The following SRCIN1 variants were observed in gnomAD, a reference collection of about 807,000 sequenced individuals.
SRCIN1 encodes the protein SRC kinase signaling inhibitor 1, also known as P130Cas-associated protein.
In SRCIN1, 50 loss-of-function variants were observed where a neutral mutation model predicts 116.2. The observed-to-expected ratio is 0.43, with a 90% confidence interval of 0.34 to 0.54. SRCIN1 has a LOEUF of 0.54. Among genes scored for constraint, SRCIN1 ranks in the 20% least tolerant of loss-of-function variants. The probability of loss-of-function intolerance (pLI) is 0.02; values close to 1 mark genes in which losing one functional copy is unlikely to be tolerated. For missense variants in SRCIN1, 1,446 were observed against 1,672.0 expected (o/e 0.86, Z 2.36); for synonymous variants, 736 against 750.0 (o/e 0.98, Z 0.30).
Position 38,563,587 on chromosome 17 carries a change from G to C in SRCIN1, c.542-66C>G. Reference sequence around the variant, plus strand: ...TCCACGCCGCCCTCCAGGAGAGCGCGGGGAGCTTTTCGGAGCTGCGCCAGC... The same window carrying C: ...TCCACGCCGCCCTCCAGGAGAGCGCCGGGAGCTTTTCGGAGCTGCGCCAGC... On this transcript the variant is annotated intron_variant, in intron 4 of 18. Transcript: ENST00000617146. The surrounding 1 kb of genome is among the most constrained non-coding windows in gnomAD (Gnocchi z 5.8). 6.5e-7 allele frequency: 1 copy of C among 1,533,258 alleles called. No individual in the cohort carries two copies. The highest frequency in any genetic ancestry group is 1.2e-5 in the South Asian group (1 of 83,920). The allele number at this position is 1,533,258 out of a possible 1,614,324, so 95.0% of individuals were successfully genotyped here. A position where few individuals can be genotyped will look rare whatever the true frequency, so the allele number is the denominator to read the frequency against.
rs1225354944 is a variant in SRCIN1, at chr17:38,558,760, G to C, written c.2026-358C>G. ...GGGAGGAGGGCAAGGTTAAGTTCTG[G>C]GGAATATGAGGCAGGAGAAGGGGTT... On this transcript the variant is annotated intron_variant, in intron 10 of 18. Coordinates refer to ENST00000617146, the MANE Select transcript of SRCIN1 (RefSeq NM_025248.3). The surrounding 1 kb of genome is among the most constrained non-coding windows in gnomAD (Gnocchi z 4.6). Among the ~76,000 whole-genome samples, 1 of 152,186 alleles carries C rather than the reference G, an allele frequency of 6.6e-6. No homozygotes were observed. The highest frequency in any genetic ancestry group is 2.4e-5 in the African/African-American group (1 of 41,430).
At chr17:38,535,863 C>T (rs757348781) in intron 18 of SRCIN1, among the ~76,000 whole-genome samples, 9 of 152,192 alleles carry the variant, frequency 5.9e-5, no homozygotes, top group Admixed American at 1.3e-4. Context: ...TGCTGATTCT[C>T]CCCGGTTGTC....
chr17:38,548,857 G>T, intron 16 of SRCIN1, 148 bp from the exon 17 acceptor site: 1 of 1,304,856 alleles, frequency 7.7e-7, no homozygotes, highest in Non-Finnish European at 1.0e-6. Flanking sequence ...AACAGACAGG[G>T]GCCTGGCATG....
rs2143475567 is a variant in SRCIN1 at position 38,602,664 on chromosome 17, T to C, written c.22+3020A>G. 1 of 152,318 alleles carries C rather than the reference T, an allele frequency of 6.6e-6. No homozygotes were observed. The highest frequency in any genetic ancestry group is 1.9e-4 in the East Asian group (1 of 5,184). 9.4% of individuals were successfully genotyped at this position (152,318 alleles called of 1,614,324 possible). On this transcript the variant is annotated intron_variant, in intron 1 of 18. Transcript: ENST00000617146. This position sits in a 1 kb window ranked among gnomAD's most constrained non-coding sequence, Gnocchi z 4.2. ...CATAAATGAAGAAAGAAAACAGATT[T>C]CCTTGCCAGGGCTTGGAGGAGATAA...
At chr17:38,542,464 T>A (rs1904810766) in intron 18 of SRCIN1, 1 of 152,858 alleles carries the variant, frequency 6.5e-6, no homozygotes, top group Non-Finnish European at 1.5e-5. Flanking sequence ...GAAAGCTCTG[T>A]CAGTGTCAGC....
At chr17:38,583,850 G>A (rs1338552664) in intron 1 of SRCIN1, among the ~76,000 whole-genome samples, 1 of 152,216 alleles carries the variant, frequency 6.6e-6, no homozygotes, top group Non-Finnish European at 1.5e-5. Flanking sequence ...ACCGCGCCAG[G>A]CCAAAGTAGG....
At chr17:38,584,160 TAG>T (rs1396349166) in intron 1 of SRCIN1, among the ~76,000 whole-genome samples, 1 of 151,988 alleles carries the variant, frequency 6.6e-6, no homozygotes, top group African/African-American at 2.4e-5. Flanking sequence ...GGCATTGCGA[TAG>T]AGAGAGACGG....
intron 1 of SRCIN1, among the ~76,000 whole-genome samples, chr17:38,599,812 G>A (rs527950719): frequency 4.6e-5 from 7 of 152,212 alleles, no homozygotes; most frequent in Non-Finnish European, 7.3e-5. Flanking sequence ...AGGGTGGGAT[G>A]AGGGAACAGC....
chr17:38,578,497 C>G lies in SRCIN1; in HGVS notation c.317G>C (p.Arg106Pro), dbSNP rs1267480099. The change falls in exon 2 of 19, where the codon CGA (arginine) becomes CCA (proline). Residue 106 changes from arginine (R) to proline (P), a missense_variant. Arg to Pro is a moderately radical substitution (Grantham distance 103). This residue lies in a region of SRCIN1 where 246 missense variants were observed against 265.1 expected (regional missense o/e 0.93). Coordinates refer to ENST00000617146, the MANE Select transcript of SRCIN1 (RefSeq NM_025248.3). ...LALRGQQDRM[R>P]EQPNYWSFKT... is the part of the protein sequence containing the mutation. ...AGCCGGGAGCCCACTCACCTGCTCT[C>G]GCATCCTGTCCTGCTGGCCTCGCAG... 5.0e-6 allele frequency: 8 copies of G among 1,585,442 alleles called. No homozygotes were observed. Among genetic ancestry groups the G allele is most frequent in the Non-Finnish European group, 6.9e-6 (8 of 1,158,938 alleles).
Position 38,548,537 on chromosome 17 carries a change from C to T in SRCIN1, c.3270+20G>A, listed in dbSNP as rs756374742. ...GGGGGCCTGGCTGAGACCTTGGGGG[C>T]CAGGTGTGCCCTGACCTACCTCTAG... On this transcript the variant is annotated intron_variant, in intron 17 of 18. Transcript: ENST00000617146. 1 of 1,607,492 alleles carries T rather than the reference C, an allele frequency of 6.2e-7. No homozygotes were observed. The highest frequency in any genetic ancestry group is 8.5e-7 in the Non-Finnish European group (1 of 1,179,490).
intron 1 of SRCIN1, among the ~76,000 whole-genome samples, chr17:38,598,596 A>C (rs1752070182): frequency 6.6e-6 from 1 of 152,102 alleles, no homozygotes; most frequent in African/African-American, 2.4e-5. Flanking sequence ...AATGGAAAAG[A>C]AGCCAGTGCC....
At chr17:38,569,778 C>G (rs1906959375) in intron 2 of SRCIN1, among the ~76,000 whole-genome samples, 1 of 152,180 alleles carries the variant, frequency 6.6e-6, no homozygotes, top group South Asian at 2.1e-4. Flanking sequence ...TGAGGCCACC[C>G]CCAGTGGTGC....
At position 38,585,742 on chromosome 17, in the gene SRCIN1, A is replaced by AT. The variant is rs753242017; in HGVS notation, c.23-6952dup. Among the ~76,000 whole-genome samples, 12 of 152,134 alleles carry AT rather than the reference A, an allele frequency of 7.9e-5. No individual in the cohort carries two copies. Among genetic ancestry groups the AT allele is most frequent in the Non-Finnish European group, 1.6e-4 (11 of 68,014 alleles). ...TCCGGGCAATTGCCTTTCTGTAAACATTCCTGTGTAATATCCCCCCAAATT... is the reference window on the plus strand; with the variant it reads ...TCCGGGCAATTGCCTTTCTGTAAACATTTCCTGTGTAATATCCCCCCAAATT... On this transcript the variant is annotated intron_variant, in intron 1 of 18. Coordinates refer to ENST00000617146, the MANE Select transcript of SRCIN1 (RefSeq NM_025248.3). The surrounding 1 kb of genome is among the most constrained non-coding windows in gnomAD (Gnocchi z 4.2).
At chr17:38,594,681 C>T (rs920663571) in intron 1 of SRCIN1, among the ~76,000 whole-genome samples, 1 of 151,220 alleles carries the variant, frequency 6.6e-6, no homozygotes, top group African/African-American at 2.4e-5. Flanking sequence ...TGTTCTTGTA[C>T]CACTTTACAG....
upstream of SRCIN1, among the ~76,000 whole-genome samples, chr17:38,606,448 G>A (rs931097058): frequency 2.0e-5 from 3 of 152,100 alleles, no homozygotes; most frequent in Admixed American, 6.5e-5. The surrounding 1 kb of genome is among the most constrained non-coding windows in gnomAD (Gnocchi z 5.2). Flanking sequence ...CTCTGCTTCT[G>A]CCTCGCGACC....
intron 17 of SRCIN1, among the ~76,000 whole-genome samples, chr17:38,546,000 C>T (rs1174780785): frequency 6.6e-6 from 1 of 152,246 alleles, no homozygotes; most frequent in East Asian, 1.9e-4. Context: ...AGCTTCACAG[C>T]TAGAAGGGGT....
Position 38,581,682 on chromosome 17 carries a change from T to C in SRCIN1, c.23-2891A>G, listed in dbSNP as rs189263493. The stretch of plus-strand genomic sequence containing the variant: ...CCTGATATGATGGTAATTCGTGAAA[T>C]AGACCCTGACTGAGTGAGACTGGGA... On this transcript the variant is annotated intron_variant, in intron 1 of 18. Coordinates refer to ENST00000617146, the MANE Select transcript of SRCIN1 (RefSeq NM_025248.3). 2.3e-3 allele frequency among the ~76,000 whole-genome samples: 346 copies of C among 152,228 alleles called. 4 individuals carry two copies. The highest frequency in any genetic ancestry group is 8.1e-3 in the African/African-American group (335 of 41,536).
intron 1 of SRCIN1, among the ~76,000 whole-genome samples, chr17:38,579,385 G>T (rs905045620): frequency 2.0e-5 from 3 of 152,224 alleles, no homozygotes; most frequent in Non-Finnish European, 4.4e-5. Flanking sequence ...GGCAAAAATC[G>T]CTCTCAGGTT....
chr17:38,580,217 T>G lies in SRCIN1; in HGVS notation c.23-1426A>C, dbSNP rs568823627. On this transcript the variant is annotated intron_variant, in intron 1 of 18. Coordinates refer to ENST00000617146, the MANE Select transcript of SRCIN1 (RefSeq NM_025248.3). ...GACAGCTGCCAGGTCTGCCATCCCCTGCCCAGCCACAGAGGAAAGAGGAGA... is the reference window on the plus strand; with the variant it reads ...GACAGCTGCCAGGTCTGCCATCCCCGGCCCAGCCACAGAGGAAAGAGGAGA... Among the ~76,000 whole-genome samples the G allele has an allele frequency of 1.6e-4, 24 of 152,162 alleles. No individual in the cohort carries two copies. The South Asian group carries it at 4.8e-3, about 30-fold the overall frequency.
Sources: allele counts gnomAD v4.1 joint callset (sites outside exome capture counted in the v4.1 genomes callset), GRCh38; gene constraint gnomAD v4.1.1; regional missense constraint gnomAD v4.1.1; non-coding constraint Gnocchi (gnomAD v3.1); transcripts MANE v1.5; gene names NCBI Gene and HGNC (gene_info 2026-07-23, HGNC 2026-07-21).